Variants in PGAP6 observed in about 807,000 individuals in gnomAD.
PGAP6 encodes post-GPI attachment to proteins factor 6.
Under a neutral mutation model 68.4 loss-of-function variants are expected in PGAP6, and 62 were observed. That is an observed-to-expected ratio of 0.91 (90% CI 0.74 to 1.12). The LOEUF (loss-of-function observed/expected upper bound fraction) is 1.12, where lower values mean the gene tolerates loss of function less well. PGAP6 is among the 50% of genes most tolerant of loss of function. The probability of loss-of-function intolerance (pLI) is 0.00; values close to 1 mark genes in which losing one functional copy is unlikely to be tolerated. For missense variants in PGAP6, 1,188 were observed against 1,068.5 expected, an observed-to-expected ratio of 1.11 and a Z score of -1.56; for synonymous variants, 575 against 474.0, an observed-to-expected ratio of 1.21 and a Z score of -2.77.
rs766465962 is a variant in PGAP6 at position 377,499 on chromosome 16, A to G, written c.386T>C (p.Val129Ala). ...CGGTGTGGTGCTCAGCGGCACCCCG[A>G]CCTGGAAGGAGGGCTGTACCGCGGT... ...DDTAVQPSFQ[V>A]GVPLSTTPRS... The change falls in exon 3 of 13, where the codon GTC becomes GCC. Residue 129 changes from valine to alanine, a missense_variant. Transcript: ENST00000431232. 18 of 1,603,784 alleles carry G rather than the reference A, an allele frequency of 1.1e-5. No individual in the cohort carries two copies. Among genetic ancestry groups the G allele is most frequent in the Admixed American group, 8.5e-5 (5 of 58,802 alleles).
At position 376,181 on chromosome 16, in the gene PGAP6, G is replaced by A. The variant is rs1490041489; in HGVS notation, c.1179C>T (p.Gly393=). 2 of 1,611,902 alleles carry A rather than the reference G, an allele frequency of 1.2e-6. No homozygotes were observed. Among genetic ancestry groups the A allele is most frequent in the Admixed American group, 3.3e-5 (2 of 59,972 alleles). ...PSVMRLRLNT[G]MDSGGSLTIS... The stretch of plus-strand genomic sequence containing the variant: ...TGGTGAGGGAACCCCCGCTGTCCAT[G>A]CCGGTGTTCAGGCGCAGCCGCATCA... The change falls in exon 6 of 13, where the codon GGC becomes GGT. Residue 393 remains glycine (G), a synonymous_variant. Transcript: ENST00000431232.
In PGAP6 at chr16:374,210, G is replaced by C; in HGVS notation, c.1755+11C>G. The stretch of plus-strand genomic sequence containing the variant: ...TCCCACCCCACATCCCTGCAGGAGG[G>C]GCCAGCCTACCGTGGAGAAGAACAT... On this transcript the variant is annotated intron_variant, in intron 10 of 12. Transcript: ENST00000431232. 1 of 1,610,278 alleles carries C rather than the reference G, an allele frequency of 6.2e-7. No individual in the cohort carries two copies. The highest frequency in any genetic ancestry group is 8.5e-7 in the Non-Finnish European group (1 of 1,179,678).
chr16:386,194 G>A (rs1231394241), upstream of PGAP6, among the ~76,000 whole-genome samples: 1 of 151,298 alleles, frequency 6.6e-6, no homozygotes, highest in Non-Finnish European at 1.5e-5. Context: ...GCAGCAATAA[G>A]CATTATTATA....
In PGAP6 at chr16:372,727, C is replaced by A; in HGVS notation, c.1903G>T (p.Val635Leu). Residue 635 changes from valine to leucine, a missense_variant and splice_region_variant, in exon 12 of 13, where the codon GTG (valine) becomes TTG (leucine). Coordinates refer to ENST00000431232, the MANE Select transcript of PGAP6 (RefSeq NM_021259.3). ...ACCAGTGTACCCAGAAGAAACAGCACCTGCGCAAGACACAGGGATGACTGC... is the reference window on the plus strand; with the variant it reads ...ACCAGTGTACCCAGAAGAAACAGCAACTGCGCAAGACACAGGGATGACTGC... ...MARLKTVLKY[V>L]LFLLGTLVIA... is the part of the protein sequence containing the mutation. 1 of 1,607,072 alleles carries A rather than the reference C, an allele frequency of 6.2e-7. No individual in the cohort carries two copies. The highest frequency in any genetic ancestry group is 1.7e-5 in the Admixed American group (1 of 59,768).
upstream of PGAP6, among the ~76,000 whole-genome samples, chr16:383,985 C>T (rs373419416): frequency 9.8e-5 from 15 of 152,348 alleles, no homozygotes; most frequent in East Asian, 7.7e-4. Context: ...CCGGGAATCC[C>T]AGCTGGGCCG....
At position 372,277 on chromosome 16, in the gene PGAP6, G is replaced by A. The variant is rs568134168; in HGVS notation, c.2026C>T (p.Arg676Cys). The A allele has an allele frequency of 8.7e-6, 14 of 1,607,870 alleles. No individual in the cohort carries two copies. The highest frequency in any genetic ancestry group is 4.5e-5 in the East Asian group (2 of 44,838). The change falls in exon 13 of 13, where the codon CGC becomes TGC. Residue 676 changes from arginine to cysteine, a missense_variant. Arg to Cys is a radical substitution (Grantham distance 180). Transcript: ENST00000431232. Reference sequence around the variant, plus strand: ...TAGCACTGGCGCCGGTGCCCGCAGCGGTAAGCCTGGAGAAAACAGCCACGC... The same window carrying A: ...TAGCACTGGCGCCGGTGCCCGCAGCAGTAAGCCTGGAGAAAACAGCCACGC... Reference protein sequence around the residue: ...FVIMASMWAYRCGHRRQCYPT... With the variant: ...FVIMASMWAYCCGHRRQCYPT...
chr16:375,689 GC>G (rs2054376407), intron 6 of PGAP6, among the ~76,000 whole-genome samples: 1 of 152,096 alleles, frequency 6.6e-6, no homozygotes, highest in African/African-American at 2.4e-5. Context: ...CCGCCACCAC[GC>G]CCGGCTAATT....
At position 375,413 on chromosome 16, in the gene PGAP6, A is replaced by ACGGTCT; in HGVS notation, c.1241_1246dup (p.Glu414_Thr415dup). ...GGCAGCATTCACGCAGGCCACTACG[A>ACGGTCT]CGGTCTCGTTCCGCATCTCTGTCTG... On this transcript the variant is annotated inframe_insertion, in exon 7 of 13. Transcript: ENST00000431232. 1 of 1,612,534 alleles carries ACGGTCT rather than the reference A, an allele frequency of 6.2e-7. No individual in the cohort carries two copies. The highest frequency in any genetic ancestry group is 1.1e-5 in the South Asian group (1 of 91,072).
At position 375,150 on chromosome 16, in the gene PGAP6, CAT is replaced by C; in HGVS notation, c.1420_1421del (p.Met474ValfsTer3). 2 of 1,613,418 alleles carry C rather than the reference CAT, an allele frequency of 1.2e-6. No individual in the cohort carries two copies. Among genetic ancestry groups the C allele is most frequent in the Non-Finnish European group, 1.7e-6 (2 of 1,179,996 alleles). ...TDNWYLSLQL[M>X]CPENAEDCEQ... Reference sequence around the variant, plus strand: ...TTACTTACTCAGCATTCTCAGGGCACATGAGCTGCAGGGAGAGGTACCAGTTG... The same window carrying C: ...TTACTTACTCAGCATTCTCAGGGCACGAGCTGCAGGGAGAGGTACCAGTTG... On this transcript the variant is annotated frameshift_variant, in exon 8 of 13. Transcript: ENST00000431232. LOFTEE classifies it high-confidence loss of function.
chr16:374,919 T>C (rs536353489), intron 8 of PGAP6, 27 bp from the exon 9 acceptor site: 1 of 1,612,098 alleles, frequency 6.2e-7, no homozygotes, highest in South Asian at 1.1e-5. Context: ...ACAGGAAAGC[T>C]GGTGCAGTGA....
chr16:374,917 G>C, intron 8 of PGAP6, 25 bp from the exon 9 acceptor site: 1 of 1,612,168 alleles, frequency 6.2e-7, no homozygotes, highest in Non-Finnish European at 8.5e-7. Flanking sequence ...CCACAGGAAA[G>C]CTGGTGCAGT....
Position 376,307 on chromosome 16 carries a change from G to C in PGAP6, c.1053C>G (p.Leu351=). Residue 351 remains leucine, a synonymous_variant, in exon 6 of 13, where the codon CTC becomes CTG. Coordinates refer to ENST00000431232, the MANE Select transcript of PGAP6 (RefSeq NM_021259.3). ...CCTCCCGCGTGACTGGGTAGTTTGTGAGGCAGAAGGGGCTGCGGTCCACCC... is the reference window on the plus strand; with the variant it reads ...CCTCCCGCGTGACTGGGTAGTTTGTCAGGCAGAAGGGGCTGCGGTCCACCC... ...SGRVDRSPFC[L]TNYPVTREDM... 1.9e-6 allele frequency: 3 copies of C among 1,612,776 alleles called. No individual in the cohort carries two copies. The highest frequency in any genetic ancestry group is 2.5e-6 in the Non-Finnish European group (3 of 1,179,982).
chr16:377,474 C>T lies in PGAP6; in HGVS notation c.411G>A (p.Pro137=), dbSNP rs777323125. Residue 137 remains proline (P), a synonymous_variant, in exon 3 of 13, where the codon CCG becomes CCA. Coordinates refer to ENST00000431232, the MANE Select transcript of PGAP6 (RefSeq NM_021259.3). ...AAACGTTGACGGAGGCATTGCTTCT[C>T]GGTGTGGTGCTCAGCGGCACCCCGA... The part of the protein sequence containing the change: ...FQVGVPLSTT[P]RSNASVNVSH... The T allele has an allele frequency of 4.2e-5, 67 of 1,610,176 alleles. No individual in the cohort carries two copies. The highest frequency in any genetic ancestry group is 5.3e-5 in the Non-Finnish European group (63 of 1,178,922).
rs1567324822 is a variant in PGAP6 at position 377,077 on chromosome 16, GC to G, written c.594del (p.Leu200PhefsTer81). 3.7e-6 allele frequency: 6 copies of G among 1,613,470 alleles called. No homozygotes were observed. The highest frequency in any genetic ancestry group is 1.7e-5 in the Admixed American group (1 of 60,032). Reference sequence around the variant, plus strand: ...TGGGAGAGGAGGGTCTGAGGAAGGGGCACGTCCGGCTCCATGATGGAAATCT... The same window carrying G: ...TGGGAGAGGAGGGTCTGAGGAAGGGGACGTCCGGCTCCATGATGGAAATCT... ...VVEISIMEPD[V>X]PLPQTLLSHP... On this transcript the variant is annotated frameshift_variant, in exon 4 of 13. Coordinates refer to ENST00000431232, the MANE Select transcript of PGAP6 (RefSeq NM_021259.3). LOFTEE classifies it high-confidence loss of function.
intron 1 of PGAP6, 39 bp downstream of exon 1, chr16:381,662 G>A (rs868622715): frequency 1.9e-5 from 17 of 914,312 alleles, no homozygotes; most frequent in Middle Eastern, 8.9e-4. Flanking sequence ...CCGCAGCCCC[G>A]GCCCCACGCC....
chr16:379,002 GCGACCTTGGGCATCCTTC>G (rs1306261472), intron 1 of PGAP6, among the ~76,000 whole-genome samples: 1 of 152,090 alleles, frequency 6.6e-6, no homozygotes, highest in Non-Finnish European at 1.5e-5. Context: ...TCGTGCCCTT[GCGACCTTGGGCATCCTTC>G]CCTCCCTGGG....
chr16:378,103 C>T (rs1235563937), intron 1 of PGAP6, among the ~76,000 whole-genome samples: 1 of 151,990 alleles, frequency 6.6e-6, no homozygotes, highest in African/African-American at 2.4e-5. Flanking sequence ...CGCCTCACTG[C>T]AGCAGCTTCC....
At position 376,473 on chromosome 16, in the gene PGAP6, G is replaced by T; in HGVS notation, c.905-18C>A. The stretch of plus-strand genomic sequence containing the variant: ...CCTGCAAGCTGCCGAGAGGACAAGG[G>T]GTTTGGCTGGAGGAAAGTCTGGGGA... On this transcript the variant is annotated intron_variant, in intron 5 of 12. Transcript: ENST00000431232. 1 of 1,552,824 alleles carries T rather than the reference G, an allele frequency of 6.4e-7. No homozygotes were observed. The highest frequency in any genetic ancestry group is 1.4e-5 in the African/African-American group (1 of 73,628).
chr16:378,307 G>C (rs865875619), intron 1 of PGAP6, among the ~76,000 whole-genome samples: 268 of 96,642 alleles, frequency 2.8e-3, no homozygotes, highest in African/African-American at 9.0e-3. Context: ...CACTGCCATC[G>C]CCACCCGCAC....
Sources: allele counts gnomAD v4.1 joint callset (sites outside exome capture counted in the v4.1 genomes callset), GRCh38; gene constraint gnomAD v4.1.1; transcripts MANE v1.5; gene names NCBI Gene and HGNC (gene_info 2026-07-23, HGNC 2026-07-21).